Variants in MED27 observed in about 807,000 individuals in gnomAD.
The protein encoded by MED27 is mediator complex subunit 27, also known as mediator of RNA polymerase II transcription subunit 27.
MED27 carries 30 observed loss-of-function variants against 38.2 expected under a neutral mutation model. The ratio of observed to expected loss-of-function variants is 0.79; its 90% CI spans 0.59 to 1.07. The LOEUF is 1.07. Among genes scored for constraint, MED27 ranks in the 50% least tolerant of loss-of-function variants. The pLI is 0.00. For synonymous variants in MED27, 122 were observed against 153.5 expected, an observed-to-expected ratio of 0.79 and a Z score of 1.52; for missense variants, 289 against 397.5, an observed-to-expected ratio of 0.73 and a Z score of 2.32.
chr9:132,019,356 C>T (rs927567148), intron 2 of MED27, among the ~76,000 whole-genome samples: 1 of 152,212 alleles, frequency 6.6e-6, no homozygotes, highest in African/African-American at 2.4e-5. Context: ...GAACAGACTG[C>T]CTCCATCTGA....
chr9:131,949,569 G>C (rs1830949890), intron 3 of MED27, among the ~76,000 whole-genome samples: 1 of 152,146 alleles, frequency 6.6e-6, no homozygotes, highest in Non-Finnish European at 1.5e-5. Context: ...GCTTTTATTA[G>C]GTCTGCGAGG....
chr9:131,934,153 G>A, intron 4 of MED27, among the ~76,000 whole-genome samples: 1 of 152,124 alleles, frequency 6.6e-6, no homozygotes, highest in East Asian at 1.9e-4. Flanking sequence ...TTAAATCTAA[G>A]ACCTCAAACT....
At chr9:131,954,050 C>T (rs1435094731) in intron 3 of MED27, among the ~76,000 whole-genome samples, 6 of 152,150 alleles carry the variant, frequency 3.9e-5, no homozygotes, top group Non-Finnish European at 8.8e-5. Flanking sequence ...ATGATCCGCC[C>T]GCCTCAGTCT....
rs972975656 is a variant in MED27, at chr9:131,948,138, G to A, written c.480-8664C>T. Among the ~76,000 whole-genome samples the A allele has an allele frequency of 2.0e-5, 3 of 152,078 alleles. 1 individual carries two copies. The highest frequency in any genetic ancestry group is 4.2e-4 in the South Asian group (2 of 4,818). The stretch of plus-strand genomic sequence containing the variant: ...CAGATTTATAAAATATTTATATCAC[G>A]GTTGTGAAACATTTCTGATTATTTG... On this transcript the variant is annotated intron_variant, in intron 3 of 7. Coordinates refer to ENST00000292035, the MANE Select transcript of MED27 (RefSeq NM_004269.4).
In MED27 at chr9:132,003,576, G is replaced by C. The variant is rs1215269742; in HGVS notation, c.479+10761C>G. 1.3e-5 allele frequency among the ~76,000 whole-genome samples: 2 copies of C among 152,144 alleles called. No homozygotes were observed. The highest frequency in any genetic ancestry group is 2.9e-5 in the Non-Finnish European group (2 of 68,016). ...AGGTGGGATGGGGTGGCAGGGCTCTGTCACCAACTCCTCTGCCTGCTCTTC... is the reference window on the plus strand; with the variant it reads ...AGGTGGGATGGGGTGGCAGGGCTCTCTCACCAACTCCTCTGCCTGCTCTTC... On this transcript the variant is annotated intron_variant, in intron 3 of 7. Transcript: ENST00000292035. The surrounding 1 kb of genome is among the most constrained non-coding windows in gnomAD (Gnocchi z 4.2).
chr9:131,903,649 T>C (rs1319633840), intron 4 of MED27, among the ~76,000 whole-genome samples: 7 of 152,214 alleles, frequency 4.6e-5, no homozygotes, highest in Admixed American at 3.3e-4. Flanking sequence ...GCTGATGCTA[T>C]TGAGCGTCCA....
intron 3 of MED27, among the ~76,000 whole-genome samples, chr9:131,944,696 T>G (rs1425566616): frequency 1.3e-5 from 2 of 152,180 alleles, no homozygotes; most frequent in Non-Finnish European, 2.9e-5. Flanking sequence ...CATGCCAGGC[T>G]GATTTTTGTA....
chr9:132,038,231 G>T (rs1285890088), intron 2 of MED27, among the ~76,000 whole-genome samples: 1 of 117,362 alleles, frequency 8.5e-6, no homozygotes, highest in Non-Finnish European at 1.6e-5. Flanking sequence ...TCGCTCTGTC[G>T]CCCAGGCTGG....
At chr9:131,877,601 G>C (rs1278429652) in intron 6 of MED27, among the ~76,000 whole-genome samples, 1 of 152,064 alleles carries the variant, frequency 6.6e-6, no homozygotes, top group East Asian at 1.9e-4. Context: ...ACAATGTAAT[G>C]ACTGTTTATG....
At chr9:131,898,399 G>A (rs765853310) in intron 4 of MED27, among the ~76,000 whole-genome samples, 13 of 152,060 alleles carry the variant, frequency 8.5e-5, no homozygotes, top group Non-Finnish European at 1.8e-4. Context: ...TTGTTTAGTA[G>A]AGACAGGGTT....
chr9:131,990,979 G>C (rs926961911), intron 3 of MED27, among the ~76,000 whole-genome samples: 1 of 152,212 alleles, frequency 6.6e-6, no homozygotes, highest in African/African-American at 2.4e-5. Context: ...TGAGAAATCT[G>C]CGGGGTTCTT....
At chr9:131,885,622 G>A (rs1811408191) in intron 5 of MED27, among the ~76,000 whole-genome samples, 1 of 152,118 alleles carries the variant, frequency 6.6e-6, no homozygotes, top group South Asian at 2.1e-4. Flanking sequence ...GTCACACTTG[G>A]TCACACACAG....
At chr9:132,012,991 T>C (rs1832516796) in intron 3 of MED27, among the ~76,000 whole-genome samples, 1 of 152,132 alleles carries the variant, frequency 6.6e-6, no homozygotes. Flanking sequence ...TAGAAAAGAA[T>C]GCTGTTTGTA....
At chr9:132,029,086 C>T (rs562857127) in intron 2 of MED27, among the ~76,000 whole-genome samples, 6 of 152,320 alleles carry the variant, frequency 3.9e-5, no homozygotes, top group African/African-American at 1.4e-4. Context: ...CAGCACTGTA[C>T]TTCCAGTATT....
chr9:132,004,998 C>T (rs1273906806), intron 3 of MED27, among the ~76,000 whole-genome samples: 1 of 152,312 alleles, frequency 6.6e-6, no homozygotes, highest in East Asian at 1.9e-4. Flanking sequence ...AAACTGAAAC[C>T]TTATAGGAGT....
chr9:132,034,557 G>A (rs777381598), intron 2 of MED27, among the ~76,000 whole-genome samples: 2 of 152,194 alleles, frequency 1.3e-5, no homozygotes, highest in Non-Finnish European at 1.5e-5. Flanking sequence ...CTTTTAGGTC[G>A]AAAGGTAGCT....
chr9:132,016,617 A>G (rs1832608143), intron 2 of MED27, among the ~76,000 whole-genome samples: 1 of 152,244 alleles, frequency 6.6e-6, no homozygotes, highest in South Asian at 2.1e-4. Flanking sequence ...CAATGAGTGC[A>G]ATATGCATGG....
intron 2 of MED27, among the ~76,000 whole-genome samples, chr9:132,038,122 C>G (rs1833121399): frequency 6.6e-6 from 1 of 151,250 alleles, no homozygotes; most frequent in East Asian, 1.9e-4. Context: ...GCTACACTCT[C>G]ATTCATTCAT....
rs140617882 is a variant in MED27, at chr9:132,045,161, T to G, written c.349-30694A>C. Among the ~76,000 whole-genome samples the G allele has an allele frequency of 3.1e-3, 479 of 152,132 alleles. 1 individual carries two copies. Among genetic ancestry groups the G allele is most frequent in the South Asian group, 5.4e-3 (26 of 4,820 alleles). On this transcript the variant is annotated intron_variant, in intron 2 of 7. Transcript: ENST00000292035. ...TTAAAAAAACAAAAATGTCTAAAAT[T>G]AATAGATTTAAGGAAAACAAAGACA...
Sources: gnomAD v4.1 joint callset for allele counts (sites outside exome capture counted in the v4.1 genomes callset) on GRCh38, gnomAD v4.1.1 for gene constraint, Gnocchi (gnomAD v3.1) non-coding constraint, MANE v1.5 for transcripts, NCBI Gene and HGNC (gene_info 2026-07-23, HGNC 2026-07-21) for gene names.